The following EPHA2 variants were observed in gnomAD, a reference collection of about 807,000 sequenced individuals.
EPHA2 encodes the protein EPH receptor A2.
Under a neutral mutation model 104.9 loss-of-function variants are expected in EPHA2, and 54 were observed. The ratio of observed to expected loss-of-function variants is 0.51; its 90% CI spans 0.41 to 0.65. The LOEUF is 0.65. Ranked by LOEUF, EPHA2 falls within the 30% of genes least tolerant of loss-of-function variation. EPHA2 has a pLI of 0.00. For missense variants in EPHA2, 1,117 were observed against 1,369.5 expected, an observed-to-expected ratio of 0.82 and a Z score of 2.91; for synonymous variants, 560 against 559.1, an observed-to-expected ratio of 1.00 and a Z score of -0.02.
chr1:16,149,456 A>C (rs1234391267), intron 2 of EPHA2, among the ~76,000 whole-genome samples: 1 of 152,258 alleles, frequency 6.6e-6, no homozygotes, highest in Non-Finnish European at 1.5e-5. Context: ...GGTAACAGGC[A>C]TACGGGCAGC....
rs2024645638 is a variant in EPHA2, at chr1:16,134,596, G to T, written c.1583-29C>A. ...GTGGAAGAAATCAGCTGATGACAAG[G>T]GAGTTCCCCCACAAATTACAGCAAC... On this transcript the variant is annotated intron_variant, in intron 7 of 16. Transcript: ENST00000358432. The surrounding 1 kb of genome is among the most constrained non-coding windows in gnomAD (Gnocchi z 4.5). 6.2e-7 allele frequency: 1 copy of T among 1,610,666 alleles called. No homozygotes were observed. Among genetic ancestry groups the T allele is most frequent in the Non-Finnish European group, 8.5e-7 (1 of 1,177,876 alleles).
intron 3 of EPHA2, among the ~76,000 whole-genome samples, chr1:16,138,729 C>T (rs2024768053): frequency 6.6e-6 from 1 of 152,230 alleles, no homozygotes; most frequent in Non-Finnish European, 1.5e-5. Context: ...CCATACCTCG[C>T]CTTTCAGCCA....
intron 3 of EPHA2, among the ~76,000 whole-genome samples, chr1:16,144,432 G>A (rs1203124751): frequency 6.6e-6 from 1 of 152,182 alleles, no homozygotes; most frequent in African/African-American, 2.4e-5. Context: ...CAGGAATCCT[G>A]CCAGCAGCCC....
chr1:16,129,947 C>T (rs1022264960), intron 15 of EPHA2, among the ~76,000 whole-genome samples: 1 of 152,318 alleles, frequency 6.6e-6, no homozygotes, highest in Admixed American at 6.5e-5. Context: ...TCTTCTTCTA[C>T]AAAATGAGGA....
Position 16,133,250 on chromosome 1 carries a change from G to A in EPHA2, c.1983C>T (p.Leu661=), listed in dbSNP as rs10907223. Residue 661 remains leucine (L), a synonymous_variant, in exon 11 of 17, where the codon CTC becomes CTT. Transcript: ENST00000358432. ...GYTEKQRVDF[L]GEAGIMGQFS... is the part of the protein sequence containing the mutation. ...ACTGGCCCATGATGCCGGCCTCGCC[G>A]AGGAAGTCCACTCGCTGCTTCTCTG... 99,691 of 1,613,688 alleles carry A rather than the reference G, an allele frequency of 0.062. 8,671 individuals are homozygous for A. Among genetic ancestry groups the A allele is most frequent in the African/African-American group, 0.41 (30,972 of 74,888 alleles).
chr1:16,143,209 G>A (rs1316347215), intron 3 of EPHA2, among the ~76,000 whole-genome samples: 12 of 124,244 alleles, frequency 9.7e-5, no homozygotes, highest in African/African-American at 4.0e-4. Context: ...GATGGATGTA[G>A]GGGTGGATGG....
rs760004701 is a variant in EPHA2, at chr1:16,135,617, G to A, written c.1428+38C>T. On this transcript the variant is annotated intron_variant, in intron 6 of 16. Coordinates refer to ENST00000358432, the MANE Select transcript of EPHA2 (RefSeq NM_004431.5). This position sits in a 1 kb window ranked among gnomAD's most constrained non-coding sequence, Gnocchi z 4.3. ...TGTGACCAGCCTGTCCCCTGCTGTC[G>A]GCCCAGCTAGAGCCAGCCCCGCCCC... 16 of 1,585,086 alleles carry A rather than the reference G, an allele frequency of 1.0e-5. No homozygotes were observed. The highest frequency in any genetic ancestry group is 2.2e-5 in the East Asian group (1 of 44,728).
In EPHA2 at chr1:16,130,770, C is replaced by A. The variant is rs1057473070; in HGVS notation, c.2476-351G>T. ...TCCGCCTCCTGAGTAGCTGAGACTACAGGCACGTGCCAACACACTTGGCTA... is the reference window on the plus strand; with the variant it reads ...TCCGCCTCCTGAGTAGCTGAGACTAAAGGCACGTGCCAACACACTTGGCTA... On this transcript the variant is annotated intron_variant, in intron 14 of 16. Transcript: ENST00000358432. The surrounding 1 kb of genome is among the most constrained non-coding windows in gnomAD (Gnocchi z 4.5). Among the ~76,000 whole-genome samples, 13 of 152,272 alleles carry A rather than the reference C, an allele frequency of 8.5e-5. No homozygotes were observed. The highest frequency in any genetic ancestry group is 3.1e-4 in the African/African-American group (13 of 41,568).
rs752814809 is a variant in EPHA2, at chr1:16,148,679, G to C, written c.522C>G (p.Thr174=). The change falls in exon 3 of 17, where the codon ACC becomes ACG. Residue 174 remains threonine (T), a synonymous_variant. Coordinates refer to ENST00000358432, the MANE Select transcript of EPHA2 (RefSeq NM_004431.5). The surrounding 1 kb of genome is among the most constrained non-coding windows in gnomAD (Gnocchi z 4.9). ...GGAAGGCCAGGTAGAAGCCTTTGCGGGTGAGCGGCCCCACGGAGCGCTCCT... is the reference window on the plus strand; with the variant it reads ...GGAAGGCCAGGTAGAAGCCTTTGCGCGTGAGCGGCCCCACGGAGCGCTCCT... ...NVEERSVGPL[T]RKGFYLAFQD... is the part of the protein sequence containing the mutation. The C allele has an allele frequency of 1.2e-6, 2 of 1,611,144 alleles. No homozygotes were observed. The highest frequency in any genetic ancestry group is 1.7e-6 in the Non-Finnish European group (2 of 1,180,026).
At chr1:16,154,213 C>T (rs987313156) in intron 1 of EPHA2, among the ~76,000 whole-genome samples, 2 of 152,128 alleles carry the variant, frequency 1.3e-5, no homozygotes, top group African/African-American at 2.4e-5. Context: ...TCTCTCCAAC[C>T]ACAGTCCCCC....
In EPHA2 at chr1:16,137,967, TC is replaced by T; in HGVS notation, c.1197del (p.Ser400AlafsTer7). 2 of 1,614,172 alleles carry T rather than the reference TC, an allele frequency of 1.2e-6. No individual in the cohort carries two copies. The highest frequency in any genetic ancestry group is 1.7e-6 in the Non-Finnish European group (2 of 1,180,044). On this transcript the variant is annotated frameshift_variant, in exon 5 of 17. Coordinates refer to ENST00000358432, the MANE Select transcript of EPHA2 (RefSeq NM_004431.5). LOFTEE classifies it high-confidence loss of function. ...TAGTTCATGTGGGGCTCCAGGTCGC[TC>T]ACTGTCACACTGGTGCGGGTCAGTC... ...PHGLTRTSVT[V>X]SDLEPHMNYT...
Position 16,128,648 on chromosome 1 carries a change from T to C in EPHA2, c.2825+786A>G, listed in dbSNP as rs4661707. 0.94 allele frequency among the ~76,000 whole-genome samples: 143,361 copies of C among 152,280 alleles called. 67,557 individuals carry two copies. Among genetic ancestry groups the C allele is most frequent in the Middle Eastern group, 0.98 (287 of 294 alleles). On this transcript the variant is annotated intron_variant, in intron 16 of 16. Transcript: ENST00000358432. This position sits in a 1 kb window ranked among gnomAD's most constrained non-coding sequence, Gnocchi z 4.7. ...AGGCTAAGAGGATAGGGTCTCCCCCTTCCTGGGACAGGAGGAGGTGTCTGT... is the reference window on the plus strand; with the variant it reads ...AGGCTAAGAGGATAGGGTCTCCCCCCTCCTGGGACAGGAGGAGGTGTCTGT...
Position 16,138,306 on chromosome 1 carries a change from T to C in EPHA2, c.948A>G (p.Ala316=). Residue 316 remains alanine (A), a synonymous_variant, in exon 4 of 17, where the codon GCA becomes GCG. Transcript: ENST00000358432. The part of the protein sequence containing the change: ...SCECEEGFFR[A]PQDPASMPCT... The stretch of plus-strand genomic sequence containing the variant: ...AAGGCATCGACGCTGGGTCCTGAGG[T>C]GCCCGGAAGAAGCCTTCCTCACACT... 6.2e-7 allele frequency: 1 copy of C among 1,613,578 alleles called. No homozygotes were observed. The highest frequency in any genetic ancestry group is 8.5e-7 in the Non-Finnish European group (1 of 1,179,886).
Position 16,144,648 on chromosome 1 carries a change from C to T in EPHA2, c.823+3730G>A, listed in dbSNP as rs143510431. Among the ~76,000 whole-genome samples the T allele has an allele frequency of 4.7e-4, 71 of 152,344 alleles. 1 individual carries two copies. The highest frequency in any genetic ancestry group is 2.1e-3 in the Admixed American group (32 of 15,308). ...AGTGGGAAACCACAGGAGGGAAGCT[C>T]GGATCACCAGGTTGACAGCGTCCTT... On this transcript the variant is annotated intron_variant, in intron 3 of 16. Coordinates refer to ENST00000358432, the MANE Select transcript of EPHA2 (RefSeq NM_004431.5).
At chr1:16,129,217 T>A (rs1267802135) in intron 16 of EPHA2, among the ~76,000 whole-genome samples, 1 of 151,084 alleles carries the variant, frequency 6.6e-6, no homozygotes, top group Non-Finnish European at 1.5e-5. Context: ...CCCACTCTGG[T>A]AAAGGATGTA....
chr1:16,138,247 C>T lies in EPHA2; in HGVS notation c.979+28G>A, dbSNP rs200811843. 1,679 of 1,612,792 alleles carry T rather than the reference C, an allele frequency of 1.0e-3. 2 individuals are homozygous for T. Among genetic ancestry groups the T allele is most frequent in the Non-Finnish European group, 1.4e-3 (1,598 of 1,179,762 alleles). ...CAGGCGGACACGTCACCCTCAGTCA[C>T]GCCACCCTGACCCACTGCAAGACTC... On this transcript the variant is annotated intron_variant, in intron 4 of 16. Coordinates refer to ENST00000358432, the MANE Select transcript of EPHA2 (RefSeq NM_004431.5).
In EPHA2 at chr1:16,130,166, G is replaced by T; in HGVS notation, c.2669+60C>A. 3 of 1,610,596 alleles carry T rather than the reference G, an allele frequency of 1.9e-6. No homozygotes were observed. The highest frequency in any genetic ancestry group is 2.2e-5 in the South Asian group (2 of 90,776). On this transcript the variant is annotated intron_variant, in intron 15 of 16. Coordinates refer to ENST00000358432, the MANE Select transcript of EPHA2 (RefSeq NM_004431.5). This position sits in a 1 kb window ranked among gnomAD's most constrained non-coding sequence, Gnocchi z 4.5. The stretch of plus-strand genomic sequence containing the variant: ...ACCTGGGTGGCCACTCTACCGAAGT[G>T]GTTCAAGAGTCTGCAGAAGGAAAAT...
At chr1:16,154,326 G>A (rs1188287242) in intron 1 of EPHA2, among the ~76,000 whole-genome samples, 1 of 152,218 alleles carries the variant, frequency 6.6e-6, no homozygotes, top group Admixed American at 6.5e-5. Flanking sequence ...ACCCCAACCC[G>A]GGCCCTGTCA....
Position 16,148,997 on chromosome 1 carries a change from G to C in EPHA2, c.204C>G (p.Ser68=). ...IMNDMPIYMY[S]VCNVMSGDQD... is the part of the protein sequence containing the mutation. ...GGTCGCCAGACATCACGTTGCACACGGAGTACATGTAGATCGGCATGTCAT... is the reference window on the plus strand; with the variant it reads ...GGTCGCCAGACATCACGTTGCACACCGAGTACATGTAGATCGGCATGTCAT... The change falls in exon 3 of 17, where the codon TCC becomes TCG. Residue 68 remains serine (S), a synonymous_variant. Transcript: ENST00000358432. This position sits in a 1 kb window ranked among gnomAD's most constrained non-coding sequence, Gnocchi z 4.9. 2 of 1,614,096 alleles carry C rather than the reference G, an allele frequency of 1.2e-6. No individual in the cohort carries two copies. The highest frequency in any genetic ancestry group is 1.6e-4 in the Middle Eastern group (1 of 6,062).
Sources: gnomAD v4.1 joint callset for allele counts (sites outside exome capture counted in the v4.1 genomes callset) on GRCh38, gnomAD v4.1.1 for gene constraint, Gnocchi (gnomAD v3.1) non-coding constraint, MANE v1.5 for transcripts, NCBI Gene and HGNC (gene_info 2026-07-23, HGNC 2026-07-21) for gene names.